MTUS2: variants seen among roughly 807,000 people sequenced by gnomAD.
MTUS2 encodes microtubule associated scaffold protein 2.
In MTUS2, 40 loss-of-function variants were observed where a neutral mutation model predicts 114.1. That is an observed-to-expected ratio of 0.35 (90% confidence interval 0.27 to 0.46). The LOEUF is 0.46. MTUS2 is among the 20% of genes least tolerant of loss of function. The pLI is 1.00. For synonymous variants in MTUS2, 688 were observed against 672.0 expected (o/e 1.02, Z -0.37); for missense variants, 1,679 against 1,705.4 (o/e 0.98, Z 0.27).
intron 9 of MTUS2, among the ~76,000 whole-genome samples, chr13:29,443,465 T>G (rs950767268): frequency 6.6e-6 from 1 of 152,242 alleles, no homozygotes; most frequent in Non-Finnish European, 1.5e-5. Flanking sequence ...TTATTTGATT[T>G]CTGCCTAAGT....
intron 5 of MTUS2, among the ~76,000 whole-genome samples, chr13:29,259,029 A>G (rs765275141): frequency 6.8e-4 from 104 of 152,372 alleles, no homozygotes; most frequent in Non-Finnish European, 1.2e-3. Context: ...ATGAGTTCTA[A>G]GTTCTATGAA....
chr13:29,217,171 T>C (rs1208580896), intron 5 of MTUS2, among the ~76,000 whole-genome samples: 1 of 152,222 alleles, frequency 6.6e-6, no homozygotes, highest in Non-Finnish European at 1.5e-5. Context: ...GTTTTATAAT[T>C]TTACTATACA....
intron 1 of MTUS2, 109 bp downstream of exon 1, chr13:28,820,720 C>T (rs968602706): frequency 3.3e-5 from 5 of 152,328 alleles, no homozygotes; most frequent in African/African-American, 1.2e-4. Flanking sequence ...CAGCCGGGCT[C>T]GGGGCAGCGC....
chr13:29,335,275 A>G (rs9579338), intron 7 of MTUS2, among the ~76,000 whole-genome samples: 40,695 of 151,954 alleles, frequency 0.27, 6,222 homozygotes, highest in African/African-American at 0.43. Context: ...CCGGTCTCCC[A>G]TAGTGCTCCC....
intron 6 of MTUS2, among the ~76,000 whole-genome samples, chr13:29,296,297 G>C (rs1898941073): frequency 6.6e-6 from 1 of 152,012 alleles, no homozygotes; most frequent in Admixed American, 6.6e-5. Flanking sequence ...ACTGCAGCCT[G>C]GACCTCCCTG....
chr13:29,001,617 G>C (rs1885389019), intron 2 of MTUS2, among the ~76,000 whole-genome samples: 1 of 152,148 alleles, frequency 6.6e-6, no homozygotes, highest in African/African-American at 2.4e-5. Flanking sequence ...CTTGAGATCT[G>C]TTCAACATCT....
chr13:29,076,314 T>C (rs973610844), intron 4 of MTUS2, among the ~76,000 whole-genome samples: 3 of 152,196 alleles, frequency 2.0e-5, no homozygotes, highest in Non-Finnish European at 4.4e-5. Context: ...AGCACCCTCT[T>C]CCAAGTACCA....
chr13:29,174,168 G>C (rs894915973), intron 5 of MTUS2, among the ~76,000 whole-genome samples: 1 of 152,096 alleles, frequency 6.6e-6, no homozygotes, highest in African/African-American at 2.4e-5. Context: ...TATCCCAGAT[G>C]GTTCCATGCT....
chr13:29,184,269 G>C (rs1002350826), intron 5 of MTUS2, among the ~76,000 whole-genome samples: 2 of 152,132 alleles, frequency 1.3e-5, no homozygotes, highest in Non-Finnish European at 2.9e-5. Context: ...AAACATTACT[G>C]TTCCCCACCC....
chr13:28,907,387 A>G (rs1323356706), intron 2 of MTUS2, among the ~76,000 whole-genome samples: 2 of 151,626 alleles, frequency 1.3e-5, no homozygotes, highest in African/African-American at 4.9e-5. Context: ...GAGAGGCTCA[A>G]ATTCACACAT....
At chr13:29,168,452 A>G (rs1893410205) in intron 5 of MTUS2, among the ~76,000 whole-genome samples, 1 of 152,182 alleles carries the variant, frequency 6.6e-6, no homozygotes, top group South Asian at 2.1e-4. Flanking sequence ...TTATCTCTTC[A>G]TATTCTCACA....
intron 6 of MTUS2, among the ~76,000 whole-genome samples, chr13:29,318,639 A>C (rs1900123311): frequency 6.6e-6 from 1 of 152,186 alleles, no homozygotes; most frequent in Non-Finnish European, 1.5e-5. Flanking sequence ...CATTTGTAAT[A>C]AACAAGTTGT....
intron 5 of MTUS2, among the ~76,000 whole-genome samples, chr13:29,210,963 A>G (rs1895405673): frequency 6.6e-6 from 1 of 152,036 alleles, no homozygotes; most frequent in African/African-American, 2.4e-5. Context: ...GGAGGATACA[A>G]GCTTGCCCTA....
At chr13:28,853,300 G>A (rs906049498) in intron 2 of MTUS2, among the ~76,000 whole-genome samples, 4 of 152,222 alleles carry the variant, frequency 2.6e-5, no homozygotes, top group Admixed American at 2.0e-4. Flanking sequence ...GAAAGCAGCA[G>A]CACATTGAAT....
At chr13:29,002,012 G>A (rs1335907814) in intron 2 of MTUS2, among the ~76,000 whole-genome samples, 1 of 152,194 alleles carries the variant, frequency 6.6e-6, no homozygotes, top group Non-Finnish European at 1.5e-5. Context: ...GGAGTGTCCA[G>A]AAAGAATGCG....
chr13:28,857,472 G>T lies in MTUS2; in HGVS notation c.-243+17622G>T, dbSNP rs7337385. ...GGTAAAGATACTGCACACGTGGAGT[G>T]GGGTATCCAGGAAGAAAGAGGGTTT... On this transcript the variant is annotated intron_variant, in intron 2 of 15. Coordinates refer to ENST00000612955, the MANE Select transcript of MTUS2 (RefSeq NM_001033602.4). Among the ~76,000 whole-genome samples, 680 of 152,296 alleles carry T rather than the reference G, an allele frequency of 4.5e-3. 6 individuals carry two copies. The highest frequency in any genetic ancestry group is 0.016 in the African/African-American group (651 of 41,556).
chr13:29,463,950 C>T (rs1566215522), intron 9 of MTUS2, among the ~76,000 whole-genome samples: 1 of 152,196 alleles, frequency 6.6e-6, no homozygotes, highest in Non-Finnish European at 1.5e-5. Flanking sequence ...GCCAAGATCG[C>T]ACCACTGCAC....
chr13:28,976,066 C>T (rs900810624), intron 2 of MTUS2, among the ~76,000 whole-genome samples: 4 of 151,558 alleles, frequency 2.6e-5, no homozygotes, highest in East Asian at 1.9e-4. Context: ...TAGGCAGGTG[C>T]GGTGGTGCAC....
At chr13:29,086,316 A>G (rs575129304) in intron 4 of MTUS2, among the ~76,000 whole-genome samples, 1 of 152,178 alleles carries the variant, frequency 6.6e-6, no homozygotes, top group Non-Finnish European at 1.5e-5. Flanking sequence ...TTTTTGTTAC[A>G]ATTGCTTTTG....
Sources: allele counts gnomAD v4.1 joint callset (sites outside exome capture counted in the v4.1 genomes callset), GRCh38; gene constraint gnomAD v4.1.1; transcripts MANE v1.5; gene names NCBI Gene and HGNC (gene_info 2026-07-23, HGNC 2026-07-21).